Variants in TPH2 observed in about 807,000 individuals in gnomAD.
TPH2 encodes the protein tryptophan 5-hydroxylase 2.
In TPH2, 27 loss-of-function variants were observed where a neutral mutation model predicts 59.1. The ratio of observed to expected loss-of-function variants is 0.46; its 90% confidence interval spans 0.34 to 0.63. The LOEUF is 0.63. TPH2 is among the 30% of genes least tolerant of loss of function. TPH2 has a pLI of 0.01. For synonymous variants in TPH2, 220 were observed against 210.5 expected (o/e 1.05, Z -0.39); for missense variants, 523 against 588.3 (o/e 0.89, Z 1.15).
At chr12:71,984,296 A>G (rs1872370466) in intron 7 of TPH2, among the ~76,000 whole-genome samples, 1 of 152,222 alleles carries the variant, frequency 6.6e-6, no homozygotes, top group Admixed American at 6.5e-5. Context: ...TAAGAAAAAT[A>G]AAAGTGAATT....
At chr12:71,943,197 A>G (rs1020491971) in intron 2 of TPH2, among the ~76,000 whole-genome samples, 1 of 152,264 alleles carries the variant, frequency 6.6e-6, no homozygotes, top group African/African-American at 2.4e-5. Context: ...TAGGACATTT[A>G]GTTTCCTCAT....
chr12:71,956,873 G>A (rs138142081), intron 5 of TPH2, among the ~76,000 whole-genome samples: 1 of 152,094 alleles, frequency 6.6e-6, no homozygotes, highest in Admixed American at 6.5e-5. Context: ...GCCTCCCAAA[G>A]TGCTAGGATT....
At chr12:71,966,147 A>G (rs746904627) in intron 5 of TPH2, among the ~76,000 whole-genome samples, 4 of 152,156 alleles carry the variant, frequency 2.6e-5, no homozygotes, top group Non-Finnish European at 5.9e-5. Flanking sequence ...TTCAGGGTAT[A>G]TTTATTGAGG....
chr12:71,987,586 C>T (rs1367196016), intron 7 of TPH2, among the ~76,000 whole-genome samples: 6 of 152,144 alleles, frequency 3.9e-5, no homozygotes, highest in Non-Finnish European at 7.3e-5. Flanking sequence ...CGGTGGCTCA[C>T]GCCTGTAATC....
chr12:71,977,107 A>C (rs776707764), intron 6 of TPH2, among the ~76,000 whole-genome samples: 1 of 152,148 alleles, frequency 6.6e-6, no homozygotes, highest in Non-Finnish European at 1.5e-5. Flanking sequence ...GCTGGGGTGC[A>C]GTGGCGTAAG....
chr12:71,995,224 G>T (rs1390384091), intron 8 of TPH2, among the ~76,000 whole-genome samples: 1 of 151,906 alleles, frequency 6.6e-6, no homozygotes, highest in Non-Finnish European at 1.5e-5. Context: ...TGAGAGAAAA[G>T]GTTTAATGTT....
chr12:72,029,479 T>G (rs1873658965), intron 9 of TPH2, among the ~76,000 whole-genome samples: 1 of 152,206 alleles, frequency 6.6e-6, no homozygotes, highest in African/African-American at 2.4e-5. Context: ...GAAGCCAATT[T>G]TTTGCAGAGG....
chr12:72,015,172 C>T (rs1383641837), intron 8 of TPH2, among the ~76,000 whole-genome samples: 1 of 152,006 alleles, frequency 6.6e-6, no homozygotes, highest in Non-Finnish European at 1.5e-5. Flanking sequence ...CTTGAGGGGC[C>T]TTTACCTTTC....
chr12:72,011,070 G>C (rs1478075380), intron 8 of TPH2, among the ~76,000 whole-genome samples: 3 of 152,038 alleles, frequency 2.0e-5, no homozygotes, highest in Non-Finnish European at 4.4e-5. Flanking sequence ...ATGTGTACCT[G>C]TGTGTGTGTG....
intron 5 of TPH2, among the ~76,000 whole-genome samples, chr12:71,968,038 G>A (rs1279615971): frequency 1.3e-5 from 2 of 152,280 alleles, no homozygotes. Flanking sequence ...AGAGTTGGGG[G>A]CTGCGAGGAG....
intron 5 of TPH2, 76 bp downstream of exon 5, chr12:71,949,731 C>T (rs972324292): frequency 5.6e-5 from 72 of 1,278,990 alleles, no homozygotes; most frequent in African/African-American, 2.3e-4. Flanking sequence ...AACCTGTCAT[C>T]TCTTCACTTT....
rs371686732 is a variant in TPH2 at position 71,983,739 on chromosome 12, A to AAG, written c.941+4668_941+4669dup. On this transcript the variant is annotated intron_variant, in intron 7 of 10. Transcript: ENST00000333850. The stretch of plus-strand genomic sequence containing the variant: ...GAATGGAGAGTCAGGCAGAGAGAGA[A>AAG]AGAGAGAGAGAGAGAGACAGACAGA... Among the ~76,000 whole-genome samples the AAG allele has an allele frequency of 2.9e-3, 438 of 150,646 alleles. 1 individual carries two copies. Among genetic ancestry groups the AAG allele is most frequent in the African/African-American group, 0.01 (420 of 41,120 alleles).
At chr12:71,956,344 G>C (rs1592385737) in intron 5 of TPH2, among the ~76,000 whole-genome samples, 1 of 152,136 alleles carries the variant, frequency 6.6e-6, no homozygotes, top group East Asian at 1.9e-4. Flanking sequence ...CAGGAGTCAG[G>C]GTTCACTGAG....
chr12:71,959,710 C>G (rs1018751008), intron 5 of TPH2, among the ~76,000 whole-genome samples: 3 of 151,878 alleles, frequency 2.0e-5, no homozygotes, highest in Middle Eastern at 3.4e-3. Context: ...TTTAGATAGG[C>G]GAATCTTAAT....
chr12:72,015,026 T>C (rs1241196972), intron 8 of TPH2, among the ~76,000 whole-genome samples: 1 of 152,278 alleles, frequency 6.6e-6, no homozygotes, highest in Middle Eastern at 3.4e-3. Flanking sequence ...CTATTGTCAT[T>C]TGCAATTTAA....
chr12:71,995,494 T>G (rs1872672286), intron 8 of TPH2, among the ~76,000 whole-genome samples: 1 of 152,260 alleles, frequency 6.6e-6, no homozygotes, highest in African/African-American at 2.4e-5. Context: ...GAAATAAGTT[T>G]TCTCCTAGAT....
At chr12:71,959,807 C>T (rs1025230055) in intron 5 of TPH2, among the ~76,000 whole-genome samples, 3 of 151,646 alleles carry the variant, frequency 2.0e-5, no homozygotes, top group South Asian at 2.1e-4. Flanking sequence ...TTGGGGGGGG[C>T]GTTGCAAGTT....
Position 72,031,840 on chromosome 12 carries a change from C to A in TPH2, c.*145C>A. ...TATATCTATACCATCTTGTAACTCA[C>A]TGTGTTAGTATATAAAGCACCATAA... is the stretch of plus-strand genomic sequence containing the variant. On this transcript the variant is annotated 3_prime_UTR_variant, in exon 11 of 11. Transcript: ENST00000333850. 1 of 909,346 alleles carries A rather than the reference C, an allele frequency of 1.1e-6. No homozygotes were observed. The highest frequency in any genetic ancestry group is 1.8e-6 in the Non-Finnish European group (1 of 562,868). The allele number at this position is 909,346 out of a possible 1,614,324, so 56.3% of individuals were successfully genotyped here.
intron 7 of TPH2, among the ~76,000 whole-genome samples, chr12:71,988,767 G>T (rs191525780): frequency 2.0e-5 from 3 of 152,224 alleles, no homozygotes; most frequent in East Asian, 3.9e-4. Context: ...CTCTTTCTGT[G>T]GTCCCTCTAA....
Sources: allele counts gnomAD v4.1 joint callset (sites outside exome capture counted in the v4.1 genomes callset), GRCh38; gene constraint gnomAD v4.1.1; transcripts MANE v1.5; gene names NCBI Gene and HGNC (gene_info 2026-07-23, HGNC 2026-07-21).